Variants in AHCYL2 observed in about 807,000 individuals in gnomAD.
AHCYL2 encodes S-adenosylhomocysteine hydrolase-like protein 2.
Under a neutral mutation model 81.4 loss-of-function variants are expected in AHCYL2, and 28 were observed. The ratio of observed to expected loss-of-function variants is 0.34; its 90% confidence interval spans 0.25 to 0.47. The LOEUF (loss-of-function observed/expected upper bound fraction) is 0.47, where lower values mean the gene tolerates loss of function less well. AHCYL2 is among the 20% of genes least tolerant of loss of function. The pLI, the probability that AHCYL2 is intolerant of heterozygous loss-of-function variation, is 1.00. For missense variants in AHCYL2, 551 were observed against 785.1 expected, an observed-to-expected ratio of 0.70 and a Z score of 3.56; for synonymous variants, 272 against 290.2, an observed-to-expected ratio of 0.94 and a Z score of 0.64.
At chr7:129,271,038 A>G (rs1179228975) in intron 1 of AHCYL2, among the ~76,000 whole-genome samples, 1 of 151,972 alleles carries the variant, frequency 6.6e-6, no homozygotes, top group African/African-American at 2.4e-5. Context: ...TCTAGGCCAC[A>G]CCAAATCTCA....
At chr7:129,373,565 A>G (rs1794524445) in intron 1 of AHCYL2, among the ~76,000 whole-genome samples, 1 of 151,736 alleles carries the variant, frequency 6.6e-6, no homozygotes, top group Non-Finnish European at 1.5e-5. Flanking sequence ...GCGCCACTGC[A>G]CTCCAGCCTG....
chr7:129,342,019 C>T (rs1370311692), intron 1 of AHCYL2, among the ~76,000 whole-genome samples: 1 of 151,982 alleles, frequency 6.6e-6, no homozygotes, highest in Non-Finnish European at 1.5e-5. Flanking sequence ...AAAGGTAAAG[C>T]TTTATGTGGG....
At chr7:129,257,867 A>T (rs982180475) in intron 1 of AHCYL2, among the ~76,000 whole-genome samples, 1 of 152,234 alleles carries the variant, frequency 6.6e-6, no homozygotes. Context: ...TGAGATATGT[A>T]ACACAATAGC....
chr7:129,325,706 T>C (rs1798197160), intron 1 of AHCYL2, among the ~76,000 whole-genome samples: 1 of 152,060 alleles, frequency 6.6e-6, no homozygotes, highest in Non-Finnish European at 1.5e-5. Context: ...GTTTGTTTTA[T>C]TTTGTTTTGT....
At chr7:129,338,233 A>G (rs1793027337) in intron 1 of AHCYL2, among the ~76,000 whole-genome samples, 1 of 151,736 alleles carries the variant, frequency 6.6e-6, no homozygotes, top group Non-Finnish European at 1.5e-5. Context: ...ACTATAACCT[A>G]GAACTCCTTG....
chr7:129,271,776 T>C (rs1796027201), intron 1 of AHCYL2, among the ~76,000 whole-genome samples: 1 of 152,158 alleles, frequency 6.6e-6, no homozygotes, highest in Non-Finnish European at 1.5e-5. Flanking sequence ...ATAGGATAAA[T>C]AGAAAGCATA....
chr7:129,264,142 C>A (rs1795736052), intron 1 of AHCYL2, among the ~76,000 whole-genome samples: 3 of 152,218 alleles, frequency 2.0e-5, no homozygotes, highest in African/African-American at 7.2e-5. Flanking sequence ...CTGCTTCAGC[C>A]TCCTAAGTAG....
intron 1 of AHCYL2, among the ~76,000 whole-genome samples, chr7:129,319,873 C>T (rs916795424): frequency 2.0e-5 from 3 of 152,046 alleles, no homozygotes; most frequent in Admixed American, 6.5e-5. Flanking sequence ...TGTAAACATC[C>T]GTGAACAAGT....
At chr7:129,235,030 C>T (rs1237872049) in intron 1 of AHCYL2, among the ~76,000 whole-genome samples, 1 of 152,158 alleles carries the variant, frequency 6.6e-6, no homozygotes, top group African/African-American at 2.4e-5. Flanking sequence ...TAACTCACTC[C>T]TGCTATAATA....
Position 129,230,573 on chromosome 7 carries a change from C to A in AHCYL2, c.363+5134C>A, listed in dbSNP as rs550394895. ...GAAACTCAGGATGAACCTTCTAAAT[C>A]TTTTTTTTTTTTTTTTTGAGATGGA... On this transcript the variant is annotated intron_variant, in intron 1 of 16. Transcript: ENST00000325006. Among the ~76,000 whole-genome samples the A allele has an allele frequency of 6.7e-5, 9 of 135,074 alleles. No homozygotes were observed. In the East Asian group the frequency reaches 2.0e-3, roughly 29 times the overall value. 88.6% of individuals were successfully genotyped at this position (135,074 alleles called of 152,430 possible).
chr7:129,382,468 C>T (rs1371045546), intron 2 of AHCYL2, among the ~76,000 whole-genome samples: 1 of 152,132 alleles, frequency 6.6e-6, no homozygotes, highest in Non-Finnish European at 1.5e-5. Flanking sequence ...GGCGTCGTGG[C>T]GCATGCCTGT....
chr7:129,253,942 T>C (rs1795326462), intron 1 of AHCYL2, among the ~76,000 whole-genome samples: 1 of 152,210 alleles, frequency 6.6e-6, no homozygotes, highest in Non-Finnish European at 1.5e-5. Flanking sequence ...TATTATGATT[T>C]AGTTAATCAA....
At chr7:129,352,937 C>CTTTTTTTTTTTTT (rs59762582) in intron 1 of AHCYL2, among the ~76,000 whole-genome samples, 2 of 82,556 alleles carry the variant, frequency 2.4e-5, no homozygotes, top group South Asian at 4.7e-4. Context: ...CCTCCTCATT[C>CTTTTTTTTTTTTT]TTTTTTTTTT....
rs1795841876 is a variant in AHCYL2 at position 129,267,231 on chromosome 7, G to GTGGGTGTGTGTGTA, written c.363+41794_363+41795insGGTGTGTGTGTATG. ...CCAAGTTATTGAGTTCACTCAAGGG[G>GTGGGTGTGTGTGTA]TGTGTGTGTGTGTGTGTGTGTGTGT... is the stretch of plus-strand genomic sequence containing the variant. On this transcript the variant is annotated intron_variant, in intron 1 of 16. Transcript: ENST00000325006. Among the ~76,000 whole-genome samples the GTGGGTGTGTGTGTA allele has an allele frequency of 8.1e-5, 6 of 74,494 alleles. No homozygotes were observed. The Admixed American group carries it at 1.0e-3, about 13-fold the overall frequency. 48.9% of individuals were successfully genotyped at this position (74,494 alleles called of 152,430 possible).
intron 5 of AHCYL2, among the ~76,000 whole-genome samples, chr7:129,397,962 A>C (rs1338096781): frequency 7.2e-5 from 11 of 152,210 alleles, no homozygotes; most frequent in Admixed American, 6.5e-4. Flanking sequence ...ATTAATACAA[A>C]TATTAAATGT....
At chr7:129,251,067 G>A (rs1197460233) in intron 1 of AHCYL2, among the ~76,000 whole-genome samples, 3 of 152,216 alleles carry the variant, frequency 2.0e-5, no homozygotes, top group Admixed American at 1.3e-4. Context: ...AAAGTGAAAT[G>A]TATGTTGTTG....
At chr7:129,390,777 G>C (rs1439021115) in intron 4 of AHCYL2, among the ~76,000 whole-genome samples, 1 of 152,208 alleles carries the variant, frequency 6.6e-6, no homozygotes, top group South Asian at 2.1e-4. Context: ...TCATTGGGCA[G>C]AACTGGATCA....
chr7:129,287,085 A>T (rs1195555703), intron 1 of AHCYL2, among the ~76,000 whole-genome samples: 2 of 152,088 alleles, frequency 1.3e-5, no homozygotes, highest in Non-Finnish European at 2.9e-5. Context: ...CATCTCTTTG[A>T]TGGCCAAATT....
In AHCYL2 at chr7:129,225,420, C is replaced by T. The variant is rs775590099; in HGVS notation, c.344C>T (p.Ala115Val). 8 of 1,515,114 alleles carry T rather than the reference C, an allele frequency of 5.3e-6. No homozygotes were observed. Among genetic ancestry groups the T allele is most frequent in the African/African-American group, 4.3e-5 (3 of 70,380 alleles). 93.9% of individuals were successfully genotyped at this position (1,515,114 alleles called of 1,614,324 possible). A position where few individuals can be genotyped will look rare whatever the true frequency, so the allele number is the denominator to read the frequency against. Residue 115 changes from alanine to valine, a missense_variant, in exon 1 of 17, where the codon GCG (alanine) becomes GTG (valine). By Grantham distance (64) the Ala-to-Val change is moderately conservative. Coordinates refer to ENST00000325006, the MANE Select transcript of AHCYL2 (RefSeq NM_015328.4). ...AGCCCCGACGGCACCGTCACCGAGGCGCCGCGCACAGTCAAGAAGGTACTG... is the reference window on the plus strand; with the variant it reads ...AGCCCCGACGGCACCGTCACCGAGGTGCCGCGCACAGTCAAGAAGGTACTG... ...LVSPDGTVTE[A>V]PRTVKKQIQF... is the part of the protein sequence containing the mutation.
Sources: allele counts gnomAD v4.1 joint callset (sites outside exome capture counted in the v4.1 genomes callset), GRCh38; gene constraint gnomAD v4.1.1; transcripts MANE v1.5; gene names NCBI Gene and HGNC (gene_info 2026-07-23, HGNC 2026-07-21).